The following TRPM3 variants were observed in gnomAD, a reference collection of about 807,000 sequenced individuals.
TRPM3 encodes the protein long transient receptor potential channel 3.
TRPM3 carries 77 observed loss-of-function variants against 181.2 expected under a neutral mutation model. The ratio of observed to expected loss-of-function variants is 0.42; its 90% CI spans 0.35 to 0.51. TRPM3 has a LOEUF of 0.51. Ranked by LOEUF, TRPM3 falls within the 20% of genes least tolerant of loss-of-function variation. TRPM3 has a pLI of 0.01. For missense variants in TRPM3, 1,759 were observed against 2,196.7 expected (o/e 0.80, Z 3.98); for synonymous variants, 745 against 796.4 (o/e 0.94, Z 1.09).
intron 25 of TRPM3, among the ~76,000 whole-genome samples, chr9:70,541,616 A>G (rs1361094453): frequency 6.6e-6 from 1 of 151,632 alleles, no homozygotes; most frequent in African/African-American, 2.4e-5. Context: ...GGTTCAAGCA[A>G]TTCTCCTGCC....
chr9:70,946,283 A>G (rs2096931344), intron 1 of TRPM3, among the ~76,000 whole-genome samples: 3 of 151,958 alleles, frequency 2.0e-5, no homozygotes, highest in Admixed American at 2.0e-4. Flanking sequence ...GGGATTAAAG[A>G]TGTTGAGTTT....
intron 1 of TRPM3, among the ~76,000 whole-genome samples, chr9:71,044,338 G>A (rs868065149): frequency 5.3e-5 from 8 of 152,038 alleles, no homozygotes; most frequent in African/African-American, 1.9e-4. Context: ...CACCAGACTC[G>A]CAGAGAAGAA....
chr9:71,371,429 A>G (rs1409453582), intron 1 of TRPM3, among the ~76,000 whole-genome samples: 1 of 152,228 alleles, frequency 6.6e-6, no homozygotes, highest in Non-Finnish European at 1.5e-5. Context: ...TACAACTATA[A>G]TAGATGACTT....
intron 1 of TRPM3, among the ~76,000 whole-genome samples, chr9:71,045,816 G>A (rs1590942340): frequency 6.6e-6 from 1 of 152,194 alleles, no homozygotes; most frequent in Middle Eastern, 3.4e-3. Context: ...CATTAGTTCT[G>A]ATGAAAATGT....
At chr9:71,056,402 C>A (rs2060656799) in intron 1 of TRPM3, among the ~76,000 whole-genome samples, 2 of 151,910 alleles carry the variant, frequency 1.3e-5, no homozygotes, top group Non-Finnish European at 2.9e-5. Context: ...GATAATGAGA[C>A]ACTCTTCATA....
At chr9:70,772,856 G>A (rs1213347764) in intron 7 of TRPM3, among the ~76,000 whole-genome samples, 1 of 151,282 alleles carries the variant, frequency 6.6e-6, no homozygotes, top group African/African-American at 2.5e-5. Flanking sequence ...TGGATTCTCT[G>A]CTGCCAACAT....
intron 6 of TRPM3, among the ~76,000 whole-genome samples, chr9:70,812,552 A>G (rs1284293541): frequency 6.6e-6 from 1 of 152,176 alleles, no homozygotes; most frequent in Non-Finnish European, 1.5e-5. Flanking sequence ...GAGGACATAA[A>G]TTCGGCTTTT....
chr9:71,138,225 T>G (rs1357138397), intron 1 of TRPM3, among the ~76,000 whole-genome samples: 1 of 152,134 alleles, frequency 6.6e-6, no homozygotes. Flanking sequence ...TTTCTCAAAC[T>G]CACACACTGG....
intron 1 of TRPM3, among the ~76,000 whole-genome samples, chr9:71,134,740 T>C (rs1394723554): frequency 1.3e-5 from 2 of 152,180 alleles, no homozygotes; most frequent in South Asian, 2.1e-4. Flanking sequence ...TGCTATCTTA[T>C]TGGTCTGTTA....
At chr9:71,018,993 T>A (rs1381485419) in intron 1 of TRPM3, among the ~76,000 whole-genome samples, 1 of 151,952 alleles carries the variant, frequency 6.6e-6, no homozygotes, top group East Asian at 1.9e-4. Context: ...TATTCAAAAT[T>A]ATATTAATTC....
chr9:71,401,152 C>G (rs2309902), intron 1 of TRPM3, among the ~76,000 whole-genome samples: 1 of 143,912 alleles, frequency 6.9e-6, no homozygotes, highest in Non-Finnish European at 1.5e-5. Context: ...GAGCCAAGAT[C>G]GTGCCACTGC....
chr9:70,739,481 G>C (rs2073511270), intron 8 of TRPM3, among the ~76,000 whole-genome samples: 1 of 152,118 alleles, frequency 6.6e-6, no homozygotes, highest in Non-Finnish European at 1.5e-5. Flanking sequence ...ACATACCTCA[G>C]TGTAACATAA....
At chr9:71,299,506 AG>A (rs140406375) in intron 1 of TRPM3, among the ~76,000 whole-genome samples, 1,662 of 150,292 alleles carry the variant, frequency 0.011, 26 homozygotes, top group East Asian at 0.076. Context: ...AAAAAGATGA[AG>A]GAAGGGAGGA....
intron 1 of TRPM3, among the ~76,000 whole-genome samples, chr9:70,909,751 T>C (rs545719520): frequency 6.6e-6 from 1 of 152,328 alleles, no homozygotes; most frequent in East Asian, 1.9e-4. Flanking sequence ...ACTTAATTTG[T>C]CATCAAGAAA....
intron 1 of TRPM3, among the ~76,000 whole-genome samples, chr9:71,193,329 T>C (rs1172534708): frequency 6.6e-6 from 1 of 151,820 alleles, no homozygotes; most frequent in Admixed American, 6.6e-5. Flanking sequence ...CAGTGTCCTG[T>C]GGGACTCCAC....
chr9:71,290,702 C>G (rs2085734922), intron 1 of TRPM3, among the ~76,000 whole-genome samples: 1 of 151,968 alleles, frequency 6.6e-6, no homozygotes. Flanking sequence ...CAAGATATTG[C>G]TAAAATCCAA....
intron 1 of TRPM3, among the ~76,000 whole-genome samples, chr9:71,119,943 A>G (rs991886754): frequency 1.3e-5 from 2 of 152,206 alleles, no homozygotes; most frequent in African/African-American, 4.8e-5. Context: ...TGACAACCAT[A>G]TGATGGGAGT....
Position 70,622,603 on chromosome 9 carries a change from C to T in TRPM3, c.1810-1330G>A, listed in dbSNP as rs547027313. ...CCATGCTGGGAATGTGCAAAACAGG[C>T]ACAGGCTGAGTCGGAGAGAAAAGGC... On this transcript the variant is annotated intron_variant, in intron 14 of 25. Coordinates refer to ENST00000677713, the MANE Select transcript of TRPM3 (RefSeq NM_001366145.2). Among the ~76,000 whole-genome samples, 20 of 152,302 alleles carry T rather than the reference C, an allele frequency of 1.3e-4. No individual in the cohort carries two copies. The South Asian group carries it at 4.1e-3, about 32-fold the overall frequency.
intron 1 of TRPM3, among the ~76,000 whole-genome samples, chr9:71,097,739 C>T (rs1281093450): frequency 6.6e-6 from 1 of 152,036 alleles, no homozygotes; most frequent in Non-Finnish European, 1.5e-5. Context: ...ATTATCTCAA[C>T]ATCCTAGGTG....
Sources: allele counts gnomAD v4.1 joint callset (sites outside exome capture counted in the v4.1 genomes callset), GRCh38; gene constraint gnomAD v4.1.1; transcripts MANE v1.5; gene names NCBI Gene and HGNC (gene_info 2026-07-23, HGNC 2026-07-21).